The following FILIP1 variants were observed in gnomAD, a reference collection of about 807,000 sequenced individuals.
FILIP1 encodes the protein filamin A interacting protein 1.
Under a neutral mutation model 102.1 loss-of-function variants are expected in FILIP1, and 61 were observed. The ratio of observed to expected loss-of-function variants is 0.60; its 90% CI spans 0.49 to 0.74. The LOEUF is 0.74. Ranked by LOEUF, FILIP1 falls within the 30% of genes least tolerant of loss-of-function variation. The pLI is 0.00. For missense variants in FILIP1, 1,314 were observed against 1,441.2 expected (o/e 0.91, Z 1.43); for synonymous variants, 491 against 526.9 (o/e 0.93, Z 0.93).
chr6:75,467,002 G>C (rs890102085), intron 1 of FILIP1, among the ~76,000 whole-genome samples: 2 of 152,140 alleles, frequency 1.3e-5, no homozygotes, highest in African/African-American at 4.8e-5. Context: ...TTAACAGCTA[G>C]TTACTGTCTC....
Position 75,313,287 on chromosome 6 carries a change from T to C in FILIP1, c.2545A>G (p.Arg849Gly). The change falls in exon 5 of 6, where the codon AGA becomes GGA. Residue 849 changes from arginine to glycine, a missense_variant. Transcript: ENST00000237172. The surrounding 1 kb of genome is among the most constrained non-coding windows in gnomAD (Gnocchi z 4.2). ...GGATACCTGTCTAGAACAGAAGATCTTTCCACGGGTTTCTTCAATCCCACC... is the reference window on the plus strand; with the variant it reads ...GGATACCTGTCTAGAACAGAAGATCCTTCCACGGGTTTCTTCAATCCCACC... ...RQVGLKKPVE[R>G]SSVLDRYPPA... is the part of the protein sequence containing the mutation. The C allele has an allele frequency of 6.2e-7, 1 of 1,614,196 alleles. No homozygotes were observed. The highest frequency in any genetic ancestry group is 8.5e-7 in the Non-Finnish European group (1 of 1,180,026).
At chr6:75,363,952 G>A (rs1419581213) in intron 2 of FILIP1, among the ~76,000 whole-genome samples, 3 of 152,140 alleles carry the variant, frequency 2.0e-5, no homozygotes, top group Non-Finnish European at 1.5e-5. Flanking sequence ...TCATTATTAT[G>A]ATATTCTAAA....
chr6:75,378,064 A>C (rs1775799570), intron 2 of FILIP1, among the ~76,000 whole-genome samples: 1 of 152,124 alleles, frequency 6.6e-6, no homozygotes, highest in African/African-American at 2.4e-5. Flanking sequence ...TCTTTACATT[A>C]TTTTCATCAA....
intron 4 of FILIP1, among the ~76,000 whole-genome samples, chr6:75,334,228 C>T (rs994977766): frequency 6.6e-5 from 10 of 152,096 alleles, no homozygotes; most frequent in Non-Finnish European, 1.3e-4. Context: ...GGTAGTAAGA[C>T]AAGAGATTTT....
intron 1 of FILIP1, among the ~76,000 whole-genome samples, chr6:75,476,822 A>G (rs2149772257): frequency 6.6e-6 from 1 of 152,330 alleles, no homozygotes; most frequent in South Asian, 2.1e-4. Context: ...ATAGAAAAAC[A>G]AATGTTAAAA....
chr6:75,464,668 T>C (rs1468323136), intron 1 of FILIP1, among the ~76,000 whole-genome samples: 1 of 152,220 alleles, frequency 6.6e-6, no homozygotes, highest in Non-Finnish European at 1.5e-5. Flanking sequence ...TATTTTAACT[T>C]CATACTATTC....
At chr6:75,437,046 A>C (rs1778049287) in intron 1 of FILIP1, among the ~76,000 whole-genome samples, 1 of 152,170 alleles carries the variant, frequency 6.6e-6, no homozygotes, top group Admixed American at 6.5e-5. Context: ...CCCCGCTCTC[A>C]CTTTTCCATG....
At chr6:75,409,284 TGA>T (rs1338885659) in intron 2 of FILIP1, among the ~76,000 whole-genome samples, 1 of 152,196 alleles carries the variant, frequency 6.6e-6, no homozygotes, top group Admixed American at 6.5e-5. Flanking sequence ...AACTCATATG[TGA>T]GTTTCACATT....
intron 4 of FILIP1, among the ~76,000 whole-genome samples, chr6:75,350,210 C>CA (rs1774742771): frequency 6.6e-6 from 1 of 151,580 alleles, no homozygotes; most frequent in Admixed American, 6.6e-5. Context: ...GACAGAAAAA[C>CA]AAAAAAGATT....
chr6:75,390,022 A>G (rs924990340), intron 2 of FILIP1, among the ~76,000 whole-genome samples: 5 of 152,186 alleles, frequency 3.3e-5, no homozygotes, highest in Non-Finnish European at 7.4e-5. Context: ...ACAAACAAAC[A>G]AAATACAGGT....
intron 2 of FILIP1, among the ~76,000 whole-genome samples, chr6:75,375,795 T>C (rs1775731695): frequency 1.3e-5 from 2 of 152,360 alleles, no homozygotes; most frequent in Admixed American, 6.5e-5. Flanking sequence ...TGTTTTCTGA[T>C]CTATTCATTT....
At chr6:75,480,963 G>T (rs893071656) in intron 1 of FILIP1, among the ~76,000 whole-genome samples, 3 of 152,226 alleles carry the variant, frequency 2.0e-5, no homozygotes, top group African/African-American at 7.2e-5. Flanking sequence ...CAGCTATGTA[G>T]ACTTGTTGTA....
chr6:75,399,811 T>C (rs1023419335), intron 2 of FILIP1, among the ~76,000 whole-genome samples: 8 of 152,218 alleles, frequency 5.3e-5, no homozygotes, highest in Non-Finnish European at 1.0e-4. Flanking sequence ...TTTTCTTTTG[T>C]CATTTCATAT....
chr6:75,382,735 A>G (rs1279981095), intron 2 of FILIP1, among the ~76,000 whole-genome samples: 1 of 152,236 alleles, frequency 6.6e-6, no homozygotes, highest in Non-Finnish European at 1.5e-5. Flanking sequence ...CAGATCAAGT[A>G]TACAAAGCAA....
intron 1 of FILIP1, among the ~76,000 whole-genome samples, chr6:75,457,152 C>CATG (rs1157663766): frequency 6.6e-6 from 1 of 152,160 alleles, no homozygotes; most frequent in Non-Finnish European, 1.5e-5. Context: ...GTTGAGTCTT[C>CATG]AAGCCCCATG....
chr6:75,405,968 C>T (rs1582456942), intron 2 of FILIP1, among the ~76,000 whole-genome samples: 2 of 152,176 alleles, frequency 1.3e-5, no homozygotes, highest in African/African-American at 4.8e-5. Context: ...ATTTAGAACT[C>T]ATATCTAACA....
At position 75,313,790 on chromosome 6, in the gene FILIP1, A is replaced by C; in HGVS notation, c.2042T>G (p.Leu681Arg). 1 of 1,608,298 alleles carries C rather than the reference A, an allele frequency of 6.2e-7. No individual in the cohort carries two copies. Among genetic ancestry groups the C allele is most frequent in the Admixed American group, 1.7e-5 (1 of 58,696 alleles). The change falls in exon 5 of 6, where the codon CTA (leucine) becomes CGA (arginine). Residue 681 changes from leucine (L) to arginine (R), a missense_variant. Physicochemically the swap from Leu to Arg is moderately radical, Grantham distance 102 (BLOSUM62 -2). This residue lies in a region of FILIP1 where 816 missense variants were observed against 913.1 expected (regional missense o/e 0.89). Transcript: ENST00000237172. The surrounding 1 kb of genome is among the most constrained non-coding windows in gnomAD (Gnocchi z 4.2). ...QDKANFLSQQ[L>R]EEIKHQIAKN... ...GGCAATTTGGTGCTTGATCTCCTCT[A>C]GTTGTTGAGAGAGGAAGTTAGCCTT... is the stretch of plus-strand genomic sequence containing the variant.
Position 75,313,743 on chromosome 6 carries a change from C to A in FILIP1, c.2089G>T (p.Gly697Cys). ...QIAKNKAIEKGEVVSQEAELR... is the reference protein window; with the variant it reads ...QIAKNKAIEKCEVVSQEAELR... ...TCAGCTTCCTGGCTCACAACCTCAC[C>A]CTTCTCTATTGCTTTATTCTTGGCA... Residue 697 changes from glycine to cysteine, a missense_variant, in exon 5 of 6, where the codon GGT becomes TGT. Physicochemically the swap from Gly to Cys is radical, Grantham distance 159. Around this residue, in one of 3 missense-constraint regions of FILIP1, gnomAD observed 816 missense variants for 913.1 expected, o/e 0.89. Coordinates refer to ENST00000237172, the MANE Select transcript of FILIP1 (RefSeq NM_015687.5). The surrounding 1 kb of genome is among the most constrained non-coding windows in gnomAD (Gnocchi z 4.2). The A allele has an allele frequency of 6.3e-7, 1 of 1,580,086 alleles. No individual in the cohort carries two copies. The highest frequency in any genetic ancestry group is 8.6e-7 in the Non-Finnish European group (1 of 1,166,922).
In FILIP1 at chr6:75,311,478, AGTTT is replaced by A. The variant is rs575376242; in HGVS notation, c.3435+915_3435+918del. ...TAATCATTCATTTAGCCTTCCAGCT[AGTTT>A]GTTTGTTTGTTTGTTTGTTTGCTTG... On this transcript the variant is annotated intron_variant, in intron 5 of 5. Coordinates refer to ENST00000237172, the MANE Select transcript of FILIP1 (RefSeq NM_015687.5). Among the ~76,000 whole-genome samples, 179 of 149,834 alleles carry A rather than the reference AGTTT, an allele frequency of 1.2e-3. 1 individual carries two copies. Among genetic ancestry groups the A allele is most frequent in the Admixed American group, 3.3e-3 (50 of 15,010 alleles).
Sources: gnomAD v4.1 joint callset for allele counts (sites outside exome capture counted in the v4.1 genomes callset) on GRCh38, gnomAD v4.1.1 for gene constraint, gnomAD v4.1.1 regional missense constraint, Gnocchi (gnomAD v3.1) non-coding constraint, MANE v1.5 for transcripts, NCBI Gene and HGNC (gene_info 2026-07-23, HGNC 2026-07-21) for gene names.